GALNTL6: variants seen among roughly 807,000 people sequenced by gnomAD.
GALNTL6 encodes the protein polypeptide N-acetylgalactosaminyltransferase-like 6.
GALNTL6 carries 46 observed loss-of-function variants against 73.7 expected under a neutral mutation model. The observed-to-expected ratio is 0.62, with a 90% CI of 0.49 to 0.80. The LOEUF is 0.80. GALNTL6 is among the 30% of genes least tolerant of loss of function. The pLI is 0.00. For synonymous variants in GALNTL6, 259 were observed against 263.7 expected (o/e 0.98, Z 0.17); for missense variants, 604 against 755.0 (o/e 0.80, Z 2.34).
At chr4:172,948,911 A>G (rs1302743135) in intron 9 of GALNTL6, among the ~76,000 whole-genome samples, 2 of 152,130 alleles carry the variant, frequency 1.3e-5, no homozygotes, top group East Asian at 1.9e-4. Flanking sequence ...CAACATGCTG[A>G]CTTCTGCCTC....
intron 5 of GALNTL6, among the ~76,000 whole-genome samples, chr4:172,704,926 C>T (rs1482867698): frequency 1.3e-5 from 2 of 151,830 alleles, no homozygotes; most frequent in South Asian, 2.1e-4. Context: ...TCTGTTCTCC[C>T]TATATAATGA....
At chr4:171,928,121 T>G (rs745360190) in intron 2 of GALNTL6, among the ~76,000 whole-genome samples, 10 of 152,228 alleles carry the variant, frequency 6.6e-5, no homozygotes, top group African/African-American at 2.4e-4. Flanking sequence ...TTTTTTCAAA[T>G]TATATCTTCA....
intron 2 of GALNTL6, among the ~76,000 whole-genome samples, chr4:171,906,682 A>G (rs1399222936): frequency 2.0e-5 from 3 of 152,202 alleles, no homozygotes; most frequent in Non-Finnish European, 4.4e-5. Flanking sequence ...CCTGGCAGAG[A>G]CACAACCAAA....
chr4:172,929,471 T>C (rs1748219086), intron 8 of GALNTL6, among the ~76,000 whole-genome samples: 1 of 152,156 alleles, frequency 6.6e-6, no homozygotes. Flanking sequence ...TTTTAAGGAA[T>C]TGGTCCACAC....
chr4:172,045,196 A>G (rs1031268592), intron 2 of GALNTL6, among the ~76,000 whole-genome samples: 35 of 151,998 alleles, frequency 2.3e-4, no homozygotes, highest in African/African-American at 8.0e-4. Flanking sequence ...ACTTTCTTTC[A>G]TCTTCACTGT....
At chr4:171,930,577 G>A (rs556527927) in intron 2 of GALNTL6, among the ~76,000 whole-genome samples, 2 of 152,134 alleles carry the variant, frequency 1.3e-5, no homozygotes, top group South Asian at 4.1e-4. Context: ...GCTCATGCCT[G>A]TAATCCCAGC....
intron 2 of GALNTL6, among the ~76,000 whole-genome samples, chr4:172,061,846 C>T (rs1180428870): frequency 6.6e-6 from 1 of 151,952 alleles, no homozygotes; most frequent in East Asian, 1.9e-4. Flanking sequence ...AACTCACCAT[C>T]TCTTAAGGAC....
chr4:172,845,883 T>C (rs1385069517), intron 7 of GALNTL6, among the ~76,000 whole-genome samples: 2 of 152,252 alleles, frequency 1.3e-5, no homozygotes, highest in Non-Finnish European at 2.9e-5. Flanking sequence ...TTCTGGAAAG[T>C]AATTTGGAAA....
intron 5 of GALNTL6, among the ~76,000 whole-genome samples, chr4:172,450,176 C>T (rs1261733770): frequency 6.6e-6 from 1 of 150,866 alleles, no homozygotes; most frequent in Non-Finnish European, 1.5e-5. Flanking sequence ...AAGATCACGT[C>T]GCTGCACTCC....
chr4:171,983,374 A>C (rs2111083475), intron 2 of GALNTL6, among the ~76,000 whole-genome samples: 1 of 152,252 alleles, frequency 6.6e-6, no homozygotes, highest in African/African-American at 2.4e-5. Flanking sequence ...GCTCCAGAAA[A>C]CTTTCAGTAT....
At chr4:172,376,520 G>A (rs1045284745) in intron 5 of GALNTL6, among the ~76,000 whole-genome samples, 1 of 152,170 alleles carries the variant, frequency 6.6e-6, no homozygotes, top group Non-Finnish European at 1.5e-5. Flanking sequence ...GAAGAGTCAG[G>A]GGTTGTTAGA....
intron 2 of GALNTL6, among the ~76,000 whole-genome samples, chr4:172,059,564 G>A (rs1170082603): frequency 6.6e-6 from 1 of 152,018 alleles, no homozygotes. Flanking sequence ...AAGAATGTAA[G>A]AAAATGTAAA....
At chr4:172,972,804 TA>T (rs1355699141) in intron 10 of GALNTL6, among the ~76,000 whole-genome samples, 2 of 152,106 alleles carry the variant, frequency 1.3e-5, no homozygotes, top group Non-Finnish European at 2.9e-5. Flanking sequence ...ACATGAACAA[TA>T]AAAAAGTGAC....
intron 5 of GALNTL6, among the ~76,000 whole-genome samples, chr4:172,468,344 G>A (rs1395172198): frequency 6.6e-6 from 1 of 152,158 alleles, no homozygotes. Flanking sequence ...AATTTAAAAT[G>A]CAGAGACATC....
chr4:172,487,857 T>C (rs1733754692), intron 5 of GALNTL6, among the ~76,000 whole-genome samples: 1 of 152,202 alleles, frequency 6.6e-6, no homozygotes, highest in Non-Finnish European at 1.5e-5. Flanking sequence ...GTCTCAACCC[T>C]ACATGATCAT....
intron 5 of GALNTL6, among the ~76,000 whole-genome samples, chr4:172,603,206 G>A (rs867182597): frequency 1.1e-4 from 17 of 152,182 alleles, no homozygotes; most frequent in Admixed American, 6.5e-4. Context: ...ACAATTCATC[G>A]TATGCAAATT....
chr4:172,621,643 A>G (rs1054836486), intron 5 of GALNTL6, among the ~76,000 whole-genome samples: 2 of 152,172 alleles, frequency 1.3e-5, no homozygotes, highest in Non-Finnish European at 2.9e-5. Context: ...TCTTAGAAGT[A>G]TGTGAAACAT....
chr4:172,667,318 G>C (rs1015854005), intron 5 of GALNTL6: 14 of 152,156 alleles, frequency 9.2e-5, no homozygotes, highest in African/African-American at 2.9e-4. Context: ...TAGAGCCAAA[G>C]GGAACACTGT....
At chr4:172,544,746 A>G (rs1390004947) in intron 5 of GALNTL6, among the ~76,000 whole-genome samples, 1 of 152,216 alleles carries the variant, frequency 6.6e-6, no homozygotes, top group Non-Finnish European at 1.5e-5. Flanking sequence ...GACTCTTCAA[A>G]CATTTCACCT....
Sources: gnomAD v4.1 joint callset for allele counts (sites outside exome capture counted in the v4.1 genomes callset) on GRCh38, gnomAD v4.1.1 for gene constraint, MANE v1.5 for transcripts, NCBI Gene and HGNC (gene_info 2026-07-23, HGNC 2026-07-21) for gene names.